The following PCM1 variants were observed in gnomAD, a reference collection of about 807,000 sequenced individuals.
PCM1 encodes the protein pericentriolar material 1, also known as pericentriolar material 1 protein.
In PCM1, 157 loss-of-function variants were observed where a neutral mutation model predicts 241.9. The ratio of observed to expected loss-of-function variants is 0.65; its 90% CI spans 0.57 to 0.74. The LOEUF (loss-of-function observed/expected upper bound fraction) is 0.74. PCM1 is among the 30% of genes least tolerant of loss of function. PCM1 has a pLI of 0.00. For missense variants in PCM1, 3,478 were observed against 2,360.1 expected, an observed-to-expected ratio of 1.47 and a Z score of -9.81; for synonymous variants, 1,085 against 784.9, an observed-to-expected ratio of 1.38 and a Z score of -6.39.
In PCM1 at chr8:17,940,275, C is replaced by A. The variant is rs746123982; in HGVS notation, c.783+414C>A. 5.1e-6 allele frequency: 3 copies of A among 590,448 alleles called. No individual in the cohort carries two copies. The East Asian group carries it at 8.3e-5, about 16-fold the overall frequency. 36.6% of individuals were successfully genotyped at this position (590,448 alleles called of 1,614,324 possible). ...ATGAAAAGTGTATTCCAGGGAAGAACCCCTCAAATTGTTAATGCTGTATGT... is the reference window on the plus strand; with the variant it reads ...ATGAAAAGTGTATTCCAGGGAAGAAACCCTCAAATTGTTAATGCTGTATGT... On this transcript the variant is annotated intron_variant, in intron 6 of 38. Coordinates refer to ENST00000325083, the MANE Select transcript of PCM1 (RefSeq NM_006197.4).
chr8:17,945,165 A>G (rs896475478), intron 6 of PCM1, among the ~76,000 whole-genome samples: 2 of 152,118 alleles, frequency 1.3e-5, no homozygotes, highest in African/African-American at 2.4e-5. Flanking sequence ...AGGGCTAGCT[A>G]TTGATAATTA....
intron 26 of PCM1, among the ~76,000 whole-genome samples, chr8:17,987,900 G>GT (rs1194009721): frequency 2.0e-5 from 3 of 151,832 alleles, no homozygotes; most frequent in Non-Finnish European, 4.4e-5. Context: ...GCCATATGGT[G>GT]TTTTTTGTAT....
intron 21 of PCM1, 88 bp from the exon 22 acceptor site, chr8:17,969,489 C>A: frequency 1.1e-6 from 1 of 944,826 alleles, no homozygotes; most frequent in Non-Finnish European, 1.6e-6. Flanking sequence ...ATTTGAATGA[C>A]ATGTTTAATT....
At chr8:17,966,935 T>C (rs1454732383) in intron 20 of PCM1, 45 bp from the exon 21 acceptor site, 1 of 1,489,372 alleles carries the variant, frequency 6.7e-7, no homozygotes, top group Non-Finnish European at 9.1e-7. Context: ...TTTATATATA[T>C]GGCAATATAA....
rs1231874606 is a variant in PCM1 at position 18,029,222 on chromosome 8, G to T, written c.*1560G>T. On this transcript the variant is annotated 3_prime_UTR_variant, in exon 39 of 39. Transcript: ENST00000325083. ...TACCTCAGTGTAATGTCCATTCAAG[G>T]AGTATTAAATGAGGATTTCCCTGCG... is the stretch of plus-strand genomic sequence containing the variant. 5.1e-6 allele frequency: 1 copy of T among 195,866 alleles called. No homozygotes were observed. Among genetic ancestry groups the T allele is most frequent in the Non-Finnish European group, 1.1e-5 (1 of 94,042 alleles). 12.1% of individuals were successfully genotyped at this position (195,866 alleles called of 1,614,324 possible).
chr8:17,987,727 T>A (rs2083083320), intron 26 of PCM1, among the ~76,000 whole-genome samples: 1 of 151,888 alleles, frequency 6.6e-6, no homozygotes. Context: ...GTGTTGATAC[T>A]CACAGATCTG....
intron 7 of PCM1, among the ~76,000 whole-genome samples, chr8:17,948,734 G>C (rs1277397480): frequency 6.6e-6 from 1 of 152,176 alleles, no homozygotes; most frequent in Non-Finnish European, 1.5e-5. Context: ...TTAGGAAACA[G>C]ATAATTTAGG....
At chr8:17,988,174 C>T (rs1399700096) in intron 26 of PCM1, among the ~76,000 whole-genome samples, 1 of 150,834 alleles carries the variant, frequency 6.6e-6, no homozygotes, top group Non-Finnish European at 1.5e-5. Context: ...GTCTTGAAGA[C>T]TTGAAGCACA....
At chr8:18,026,132 C>G (rs1459555606) in intron 38 of PCM1, among the ~76,000 whole-genome samples, 1 of 112,932 alleles carries the variant, frequency 8.9e-6, no homozygotes, top group Non-Finnish European at 1.7e-5. Flanking sequence ...CCACTGCACT[C>G]CGGCCTGGGT....
rs1055139765 is a variant in PCM1, at chr8:17,972,330, A to T, written c.3586A>T (p.Asn1196Tyr). ...TAAAAACTTGTTTTCATTGGTAAGGAATAAAAAACTGCCTGAAGAGGAGGT... is the reference window on the plus strand; with the variant it reads ...TAAAAACTTGTTTTCATTGGTAAGGTATAAAAAACTGCCTGAAGAGGAGGT... ...SSSIGAEKPR[N>Y]KKLPEEEVES... is the part of the protein sequence containing the mutation. The change falls in exon 23 of 39, where the codon AAT (asparagine) becomes TAT (tyrosine). Residue 1196 changes from asparagine to tyrosine, a missense_variant and splice_region_variant. Physicochemically the swap from Asn to Tyr is moderately radical, Grantham distance 143 (BLOSUM62 -2). Transcript: ENST00000325083. 25 of 1,485,600 alleles carry T rather than the reference A, an allele frequency of 1.7e-5. No individual in the cohort carries two copies. The highest frequency in any genetic ancestry group is 2.1e-5 in the Non-Finnish European group (24 of 1,116,286). 92.0% of individuals were successfully genotyped at this position (1,485,600 alleles called of 1,614,324 possible).
intron 24 of PCM1, among the ~76,000 whole-genome samples, chr8:17,982,963 G>A (rs915269665): frequency 2.0e-5 from 3 of 152,084 alleles, no homozygotes; most frequent in Non-Finnish European, 4.4e-5. Flanking sequence ...GTTGTGGGAG[G>A]TTCACCTTGA....
chr8:17,952,091 CATGCACCTGTAATCT>C (rs2066243829), intron 8 of PCM1, among the ~76,000 whole-genome samples: 1 of 151,962 alleles, frequency 6.6e-6, no homozygotes, highest in African/African-American at 2.4e-5. Context: ...GGTGTGGAGG[CATGCACCTGTAATCT>C]CAGCTGCTTG....
chr8:17,990,794 G>A (rs756404899), intron 27 of PCM1, among the ~76,000 whole-genome samples: 14 of 152,080 alleles, frequency 9.2e-5, no homozygotes, highest in Non-Finnish European at 1.9e-4. Context: ...TAAAGAAAAG[G>A]ACTTAGCCTT....
At chr8:17,999,746 C>CT (rs1469492421) in intron 29 of PCM1, among the ~76,000 whole-genome samples, 2 of 151,884 alleles carry the variant, frequency 1.3e-5, no homozygotes, top group Non-Finnish European at 1.5e-5. Flanking sequence ...TATAATGGTG[C>CT]TTTTTTTGTG....
intron 9 of PCM1, among the ~76,000 whole-genome samples, chr8:17,954,413 G>A (rs1216755890): frequency 1.4e-5 from 2 of 143,182 alleles, no homozygotes; most frequent in Non-Finnish European, 3.0e-5. Flanking sequence ...GGCAACAAAA[G>A]TGAAACTCCA....
At chr8:17,980,825 C>A in intron 24 of PCM1, 70 bp downstream of exon 24, 1 of 1,244,610 alleles carries the variant, frequency 8.0e-7, no homozygotes, top group Non-Finnish European at 1.1e-6. Context: ...TATAATAAAG[C>A]AGGTGTTAAA....
chr8:17,953,720 C>T (rs908028710), intron 9 of PCM1, among the ~76,000 whole-genome samples: 3 of 152,222 alleles, frequency 2.0e-5, no homozygotes, highest in South Asian at 2.1e-4. Context: ...GGTATAACTG[C>T]GGGAGTTATC....
rs1258682177 is a variant in PCM1 at position 17,967,082 on chromosome 8, C to A, written c.3324C>A (p.Pro1108=). The part of the protein sequence containing the change: ...RGSSASHPPS[P]SLFCPFSFPT... ...GTAGTGCATCGCACCCTCCTTCTCC[C>A]AGTTTATTTTGTCCTTTCAGCTTTC... Residue 1108 remains proline, a synonymous_variant, in exon 21 of 39, where the codon CCC becomes CCA. Transcript: ENST00000325083. The A allele has an allele frequency of 6.2e-7, 1 of 1,608,826 alleles. No homozygotes were observed.
intron 29 of PCM1, among the ~76,000 whole-genome samples, chr8:18,000,464 T>C (rs2088896832): frequency 6.6e-6 from 1 of 151,884 alleles, no homozygotes; most frequent in African/African-American, 2.4e-5. Context: ...ATAAGGGTGG[T>C]GATAAAGAAA....
Sources: gnomAD v4.1 joint callset for allele counts (sites outside exome capture counted in the v4.1 genomes callset) on GRCh38, gnomAD v4.1.1 for gene constraint, MANE v1.5 for transcripts, NCBI Gene and HGNC (gene_info 2026-07-23, HGNC 2026-07-21) for gene names.